Variants in ELN observed in about 807,000 individuals in gnomAD.
ELN encodes the protein tropoelastin.
Under a neutral mutation model 105.8 loss-of-function variants are expected in ELN, and 65 were observed. That is an observed-to-expected ratio of 0.61 (90% CI 0.50 to 0.75). The LOEUF (loss-of-function observed/expected upper bound fraction) is 0.75, where lower values mean the gene tolerates loss of function less well. Ranked by LOEUF, ELN falls within the 30% of genes least tolerant of loss-of-function variation. The pLI is 0.00. For missense variants in ELN, 882 were observed against 969.4 expected, an observed-to-expected ratio of 0.91 and a Z score of 1.20; for synonymous variants, 368 against 389.2, an observed-to-expected ratio of 0.95 and a Z score of 0.64.
chr7:74,038,518 C>G (rs1007784486), intron 4 of ELN, among the ~76,000 whole-genome samples: 1 of 152,226 alleles, frequency 6.6e-6, no homozygotes, highest in Non-Finnish European at 1.5e-5. Context: ...GGATCTGCCA[C>G]GAGGGTCCAC....
At chr7:74,033,979 A>T (rs2131083381) in intron 1 of ELN, among the ~76,000 whole-genome samples, 1 of 152,314 alleles carries the variant, frequency 6.6e-6, no homozygotes, top group East Asian at 1.9e-4. Context: ...TGGATCCAGC[A>T]TCACAGCGTT....
chr7:74,054,623 G>A, intron 18 of ELN, 93 bp from the exon 19 acceptor site: 4 of 1,301,644 alleles, frequency 3.1e-6, no homozygotes, highest in Non-Finnish European at 4.5e-6. Context: ...AAAGGAGATG[G>A]CCCAACACAC....
At chr7:74,039,930 G>A (rs1554667502) in intron 4 of ELN, among the ~76,000 whole-genome samples, 1 of 152,226 alleles carries the variant, frequency 6.6e-6, no homozygotes, top group Non-Finnish European at 1.5e-5. Flanking sequence ...AAAGAAGGAG[G>A]ATGGAGCTGG....
intron 22 of ELN, among the ~76,000 whole-genome samples, chr7:74,058,919 A>C (rs753398550): frequency 2.0e-5 from 3 of 152,020 alleles, no homozygotes; most frequent in Non-Finnish European, 4.4e-5. Flanking sequence ...CACACACAGC[A>C]ATCTTTATTA....
chr7:74,037,073 G>T (rs782795311), intron 3 of ELN, among the ~76,000 whole-genome samples: 2 of 151,196 alleles, frequency 1.3e-5, no homozygotes, highest in Non-Finnish European at 2.9e-5. Flanking sequence ...TGCCTGACTC[G>T]GCCTCTCAAA....
chr7:74,028,252 A>G lies in ELN; in HGVS notation c.65A>G (p.His22Arg). 6.2e-7 allele frequency: 1 copy of G among 1,607,184 alleles called. No homozygotes were observed. The highest frequency in any genetic ancestry group is 8.5e-7 in the Non-Finnish European group (1 of 1,178,862). Residue 22 changes from histidine to arginine, a missense_variant, in exon 1 of 33, where the codon CAC becomes CGC. Coordinates refer to ENST00000252034, the MANE Select transcript of ELN (RefSeq NM_000501.4). ...GVLLLLLSIL[H>R]PSRPGGVPGA... ...CTCCTGCTCCTGCTGTCCATCCTCC[A>G]CCCCTCTCGGCCTGGAGGTAAGGAC...
chr7:74,039,203 T>C (rs1386518876), intron 4 of ELN, among the ~76,000 whole-genome samples: 1 of 152,142 alleles, frequency 6.6e-6, no homozygotes, highest in African/African-American at 2.4e-5. Context: ...AGTTCCAGGA[T>C]GTGTAGTTGC....
Position 74,063,456 on chromosome 7 carries a change from C to CA in ELN, c.1918+88dup. ...AGCTTCTGACCAGGCACTGTAGACTCAGAGTCCCTGCCCCAGACACCTCCT... is the reference window on the plus strand; with the variant it reads ...AGCTTCTGACCAGGCACTGTAGACTCAAGAGTCCCTGCCCCAGACACCTCCT... On this transcript the variant is annotated intron_variant, in intron 28 of 32. Transcript: ENST00000252034. This position sits in a 1 kb window ranked among gnomAD's most constrained non-coding sequence, Gnocchi z 4.1. The CA allele has an allele frequency of 6.4e-7, 1 of 1,573,880 alleles. No individual in the cohort carries two copies. The highest frequency in any genetic ancestry group is 1.9e-5 in the Admixed American group (1 of 53,538).
In ELN at chr7:74,041,177, A is replaced by G. The variant is rs782400626; in HGVS notation, c.197-39A>G. 8.1e-6 allele frequency: 13 copies of G among 1,613,660 alleles called. No individual in the cohort carries two copies. The East Asian group carries it at 2.7e-4, about 33-fold the overall frequency. On this transcript the variant is annotated intron_variant, in intron 4 of 32. Transcript: ENST00000252034. ...AGACATTTCCCACTCTGGGCCTAGG[A>G]ACACTGCCTACACTCCTGTCTCTGT...
Position 74,056,376 on chromosome 7 carries a change from G to A in ELN, c.1256G>A (p.Gly419Asp). The A allele has an allele frequency of 6.2e-7, 1 of 1,613,588 alleles. No homozygotes were observed. Among genetic ancestry groups the A allele is most frequent in the Non-Finnish European group, 8.5e-7 (1 of 1,179,664 alleles). The change falls in exon 20 of 33, where the codon GGT (glycine) becomes GAT (aspartate). Residue 419 changes from glycine (G) to aspartate (D), a missense_variant. Physicochemically the swap from Gly to Asp is moderately conservative, Grantham distance 94. Transcript: ENST00000252034. ...VGVGGIPGVA[G>D]VPGVGGVPGV... ...GTCGGAGGTATCCCTGGAGTCGCAG[G>A]TGTCCCTGGTGTCGGAGGTGTTCCC...
At chr7:74,034,907 C>G (rs1320888749) in intron 1 of ELN, among the ~76,000 whole-genome samples, 1 of 152,146 alleles carries the variant, frequency 6.6e-6, no homozygotes, top group Non-Finnish European at 1.5e-5. Flanking sequence ...TCAAGACCAG[C>G]CTGCCCAACA....
chr7:74,047,802 C>T (rs1240010990), intron 13 of ELN, 86 bp downstream of exon 13: 1 of 1,585,486 alleles, frequency 6.3e-7, no homozygotes. Flanking sequence ...CAGCCCTGGG[C>T]CAGGAGAGCA....
chr7:74,045,629 A>T (rs1257072191), intron 10 of ELN: 3 of 389,830 alleles, frequency 7.7e-6, no homozygotes, highest in Non-Finnish European at 1.5e-5. Context: ...TATGATCCCA[A>T]CTATTCAGGA....
chr7:74,038,505 C>T (rs1416292721), intron 4 of ELN, among the ~76,000 whole-genome samples: 1 of 152,262 alleles, frequency 6.6e-6, no homozygotes, highest in Non-Finnish European at 1.5e-5. Context: ...GCCCAAGGGG[C>T]TGGGATCTGC....
At chr7:74,056,517 G>A in intron 20 of ELN, 82 bp downstream of exon 20, 1 of 1,608,228 alleles carries the variant, frequency 6.2e-7, no homozygotes, top group Non-Finnish European at 8.5e-7. Context: ...GGGCAGTGGG[G>A]ACTGTAGATC....
intron 15 of ELN, among the ~76,000 whole-genome samples, chr7:74,049,511 A>T (rs1467940851): frequency 6.8e-6 from 1 of 147,462 alleles, no homozygotes; most frequent in African/African-American, 2.5e-5. Context: ...ATACCCATTC[A>T]TCCATCCAAC....
At position 74,048,567 on chromosome 7, in the gene ELN, C is replaced by T; in HGVS notation, c.799+11C>T. The T allele has an allele frequency of 6.2e-7, 1 of 1,613,690 alleles. No homozygotes were observed. Among genetic ancestry groups the T allele is most frequent in the African/African-American group, 1.3e-5 (1 of 74,958 alleles). On this transcript the variant is annotated intron_variant, in intron 15 of 32. Coordinates refer to ENST00000252034, the MANE Select transcript of ELN (RefSeq NM_000501.4). ...CAGCAGCAAAGTTCGGTGAGTGCCC[C>T]TGGAGTCCCCACCTGGTGGCCTCCA...
At chr7:74,059,317 A>G (rs1796071712) in intron 22 of ELN, among the ~76,000 whole-genome samples, 1 of 152,174 alleles carries the variant, frequency 6.6e-6, no homozygotes, top group South Asian at 2.1e-4. Context: ...CTGTCTTACA[A>G]AGTCCCTTAT....
chr7:74,035,467 C>G, intron 2 of ELN, 53 bp downstream of exon 2: 1 of 1,595,128 alleles, frequency 6.3e-7, no homozygotes, highest in Non-Finnish European at 8.6e-7. Context: ...ATGCTGATGT[C>G]CATAATAGAT....
Sources: allele counts gnomAD v4.1 joint callset (sites outside exome capture counted in the v4.1 genomes callset), GRCh38; gene constraint gnomAD v4.1.1; non-coding constraint Gnocchi (gnomAD v3.1); transcripts MANE v1.5; gene names NCBI Gene and HGNC (gene_info 2026-07-23, HGNC 2026-07-21).